The following SLC38A6 variants were observed in gnomAD, a reference collection of about 807,000 sequenced individuals.
SLC38A6 encodes solute carrier family 38 member 6.
Under a neutral mutation model 65.0 loss-of-function variants are expected in SLC38A6, and 73 were observed. The observed-to-expected ratio is 1.12, with a 90% CI of 0.93 to 1.37. The LOEUF (loss-of-function observed/expected upper bound fraction) is 1.37. Among genes scored for constraint, SLC38A6 ranks in the 40% most tolerant of loss-of-function variants. The probability of loss-of-function intolerance (pLI) is 0.00; values close to 1 mark genes in which losing one functional copy is unlikely to be tolerated. For synonymous variants in SLC38A6, 183 were observed against 178.8 expected, an observed-to-expected ratio of 1.02 and a Z score of -0.19; for missense variants, 561 against 531.1, an observed-to-expected ratio of 1.06 and a Z score of -0.55.
At chr14:60,999,209 A>C (rs1365901538) in intron 3 of SLC38A6, among the ~76,000 whole-genome samples, 14 of 152,226 alleles carry the variant, frequency 9.2e-5, no homozygotes, top group Admixed American at 9.2e-4. Context: ...ACTGGAATCC[A>C]CTGTTGGTTG....
intron 5 of SLC38A6, among the ~76,000 whole-genome samples, chr14:61,020,728 T>C (rs889632765): frequency 6.6e-6 from 1 of 152,294 alleles, no homozygotes; most frequent in Middle Eastern, 3.4e-3. Context: ...TTTATTATAG[T>C]CATTGATTTT....
At chr14:61,052,327 A>T in intron 15 of SLC38A6, 22 bp from the exon 16 acceptor site, 1 of 1,548,640 alleles carries the variant, frequency 6.5e-7, no homozygotes, top group Non-Finnish European at 8.7e-7. Context: ...CTTATCTTTT[A>T]TCTTTTTTCT....
intron 3 of SLC38A6, among the ~76,000 whole-genome samples, chr14:60,988,623 G>A (rs2037633698): frequency 6.6e-6 from 1 of 152,044 alleles, no homozygotes. Flanking sequence ...CATCTCCTTT[G>A]TTTCTAACTC....
intron 3 of SLC38A6, among the ~76,000 whole-genome samples, chr14:61,007,962 G>A (rs1247147927): frequency 6.6e-6 from 1 of 151,308 alleles, no homozygotes; most frequent in Non-Finnish European, 1.5e-5. Flanking sequence ...TATGTGATTT[G>A]AAAAAAAAGA....
chr14:61,011,809 T>G (rs1049197391), intron 3 of SLC38A6, among the ~76,000 whole-genome samples: 3 of 152,238 alleles, frequency 2.0e-5, no homozygotes, highest in African/African-American at 7.2e-5. Context: ...GATTTTTGCA[T>G]CGATGTTCAT....
At chr14:60,993,443 T>C (rs2038055614) in intron 3 of SLC38A6, among the ~76,000 whole-genome samples, 1 of 152,136 alleles carries the variant, frequency 6.6e-6, no homozygotes, top group Non-Finnish European at 1.5e-5. Context: ...CTAAAAGGAC[T>C]CAGCAATCAT....
chr14:60,996,101 T>A lies in SLC38A6; in HGVS notation c.310+11298T>A, dbSNP rs2038276112. ...TACCACTCTGGTGCAGGATGTTGAT[T>A]GTAGGGGAAGCTGTGCATGTGTTGG... On this transcript the variant is annotated intron_variant, in intron 3 of 15. Coordinates refer to ENST00000267488, the MANE Select transcript of SLC38A6 (RefSeq NM_153811.3). Among the ~76,000 whole-genome samples, 3 of 152,308 alleles carry A rather than the reference T, an allele frequency of 2.0e-5. No individual in the cohort carries two copies. The South Asian group carries it at 6.2e-4, about 32-fold the overall frequency.
chr14:60,990,322 CTT>C (rs2037768148), intron 3 of SLC38A6, among the ~76,000 whole-genome samples: 1 of 152,106 alleles, frequency 6.6e-6, no homozygotes, highest in Admixed American at 6.5e-5. Context: ...TGAGTGATCT[CTT>C]TTCTTTTACA....
chr14:61,055,097 A>AT (rs2042661904), downstream of SLC38A6, among the ~76,000 whole-genome samples: 1 of 90,178 alleles, frequency 1.1e-5, no homozygotes, highest in Non-Finnish European at 2.5e-5. Context: ...TTTTTTTTTA[A>AT]GTCTTTTTCT....
At chr14:61,047,469 A>G (rs2042221593) in intron 12 of SLC38A6, among the ~76,000 whole-genome samples, 1 of 152,174 alleles carries the variant, frequency 6.6e-6, no homozygotes, top group South Asian at 2.1e-4. Flanking sequence ...TAATTAGACC[A>G]GATACTTGAA....
At chr14:61,032,273 A>G (rs1231555771) in intron 6 of SLC38A6, among the ~76,000 whole-genome samples, 1 of 151,658 alleles carries the variant, frequency 6.6e-6, no homozygotes, top group Non-Finnish European at 1.5e-5. Context: ...TTTTATTGTC[A>G]TATGTCGGTG....
intron 7 of SLC38A6, 31 bp downstream of exon 7, chr14:61,037,172 A>G (rs754097747): frequency 1.4e-6 from 2 of 1,477,528 alleles, no homozygotes; most frequent in South Asian, 2.6e-5. Context: ...TTATTTGTTT[A>G]GAAAAAGGAA....
intron 12 of SLC38A6, 42 bp downstream of exon 12, chr14:61,046,209 C>T (rs371010692): frequency 2.3e-6 from 3 of 1,288,040 alleles, no homozygotes; most frequent in South Asian, 1.3e-5. Context: ...ATAATAGTTA[C>T]ATAGATGGCC....
At chr14:60,998,310 C>T (rs1216128559) in intron 3 of SLC38A6, among the ~76,000 whole-genome samples, 3 of 151,884 alleles carry the variant, frequency 2.0e-5, no homozygotes, top group Non-Finnish European at 2.9e-5. Flanking sequence ...ATATAAACCC[C>T]AAATTCCAGG....
chr14:61,045,270 G>A (rs1319616255), intron 10 of SLC38A6, 76 bp from the exon 11 acceptor site: 7 of 919,200 alleles, frequency 7.6e-6, no homozygotes, highest in Non-Finnish European at 1.2e-5. Context: ...TTAAAGAACT[G>A]AGTTTGTTGT....
intron 3 of SLC38A6, among the ~76,000 whole-genome samples, chr14:60,992,176 G>GA (rs2037948316): frequency 6.6e-6 from 1 of 152,124 alleles, no homozygotes; most frequent in Non-Finnish European, 1.5e-5. Flanking sequence ...CCAAAAATAG[G>GA]TTGACGACTC....
At chr14:61,011,700 G>T (rs1034206496) in intron 3 of SLC38A6, among the ~76,000 whole-genome samples, 1 of 152,164 alleles carries the variant, frequency 6.6e-6, no homozygotes, top group Non-Finnish European at 1.5e-5. Context: ...ATTTGCGTAT[G>T]TTGAACCAGC....
chr14:61,037,811 G>A, intron 8 of SLC38A6, 128 bp downstream of exon 8: 1 of 586,574 alleles, frequency 1.7e-6, no homozygotes, highest in Admixed American at 3.7e-5. Context: ...GTTATTAAAA[G>A]CACTTTTGTT....
chr14:61,018,807 T>C (rs1296248895), intron 4 of SLC38A6, among the ~76,000 whole-genome samples: 1 of 152,178 alleles, frequency 6.6e-6, no homozygotes, highest in East Asian at 1.9e-4. Context: ...CAACTAAGCA[T>C]CATTAAAGTA....
Sources: allele counts gnomAD v4.1 joint callset (sites outside exome capture counted in the v4.1 genomes callset), GRCh38; gene constraint gnomAD v4.1.1; transcripts MANE v1.5; gene names NCBI Gene and HGNC (gene_info 2026-07-23, HGNC 2026-07-21).